Variants in N4BP2L2 observed in about 807,000 individuals in gnomAD.
N4BP2L2 encodes NEDD4-binding protein 2-like 2.
In N4BP2L2, 50 loss-of-function variants were observed where a neutral mutation model predicts 56.2. The ratio of observed to expected loss-of-function variants is 0.89; its 90% CI spans 0.71 to 1.13. The LOEUF (loss-of-function observed/expected upper bound fraction) is 1.13. Among genes scored for constraint, N4BP2L2 ranks in the 50% most tolerant of loss-of-function variants. The probability of loss-of-function intolerance (pLI) is 0.00; values close to 1 mark genes in which losing one functional copy is unlikely to be tolerated. For missense variants in N4BP2L2, 689 were observed against 693.8 expected (o/e 0.99, Z 0.08); for synonymous variants, 203 against 223.6 (o/e 0.91, Z 0.82).
At chr13:32,491,619 T>TAA (rs1417788328) in intron 6 of N4BP2L2, among the ~76,000 whole-genome samples, 4,630 of 138,398 alleles carry the variant, frequency 0.033, 271 homozygotes, top group African/African-American at 0.12. Flanking sequence ...TATATGTATA[T>TAA]TATATATATA....
intron 6 of N4BP2L2, among the ~76,000 whole-genome samples, chr13:32,476,117 T>C (rs2139033590): frequency 6.6e-6 from 1 of 152,322 alleles, no homozygotes; most frequent in Non-Finnish European, 1.5e-5. Context: ...AATGCACTGA[T>C]GAGCTTCTGA....
At chr13:32,500,133 C>G (rs1376682415) in intron 6 of N4BP2L2, among the ~76,000 whole-genome samples, 1 of 152,010 alleles carries the variant, frequency 6.6e-6, no homozygotes, top group Non-Finnish European at 1.5e-5. Context: ...AGCTTCAGCC[C>G]TGGAGATCTA....
intron 5 of N4BP2L2, among the ~76,000 whole-genome samples, chr13:32,519,639 G>C (rs768812209): frequency 6.6e-6 from 1 of 151,758 alleles, no homozygotes. Flanking sequence ...AACAAAATGA[G>C]ACTCTGTCTG....
At chr13:32,461,571 C>T (rs1044610832) in intron 6 of N4BP2L2, among the ~76,000 whole-genome samples, 5 of 152,288 alleles carry the variant, frequency 3.3e-5, no homozygotes, top group South Asian at 4.1e-4. Context: ...ATCAAAACCA[C>T]AATGAGATAT....
At chr13:32,439,036 C>CT (rs1287898545) in intron 7 of N4BP2L2, among the ~76,000 whole-genome samples, 1 of 152,220 alleles carries the variant, frequency 6.6e-6, no homozygotes, top group Non-Finnish European at 1.5e-5. Flanking sequence ...ATGGTTTTCT[C>CT]TTTATCTCTT....
chr13:32,435,672 T>C (rs1325114380), intron 9 of N4BP2L2, among the ~76,000 whole-genome samples: 2 of 152,198 alleles, frequency 1.3e-5, no homozygotes, highest in African/African-American at 2.4e-5. Flanking sequence ...CTCCCAAATC[T>C]TCAGTTCTTC....
intron 6 of N4BP2L2, among the ~76,000 whole-genome samples, chr13:32,481,761 T>A (rs1056226940): frequency 5.9e-5 from 9 of 152,204 alleles, no homozygotes; most frequent in African/African-American, 2.2e-4. Context: ...TTAGCTTTCC[T>A]TCTTGACTAT....
At chr13:32,449,640 C>T (rs900230955) in intron 6 of N4BP2L2, among the ~76,000 whole-genome samples, 7 of 152,008 alleles carry the variant, frequency 4.6e-5, no homozygotes, top group African/African-American at 7.3e-5. Flanking sequence ...ATGTTAGAGA[C>T]GAGGGCTTTA....
chr13:32,446,343 T>C, intron 6 of N4BP2L2: 1 of 1,363,686 alleles, frequency 7.3e-7, no homozygotes, highest in African/African-American at 1.5e-5. Flanking sequence ...TAACTCTCCT[T>C]CATGGCCAGT....
At chr13:32,440,903 T>G (rs950393601) in intron 7 of N4BP2L2, among the ~76,000 whole-genome samples, 6 of 146,054 alleles carry the variant, frequency 4.1e-5, no homozygotes, top group African/African-American at 7.7e-5. Context: ...AGGCTGGGAG[T>G]GCAGTGGTGT....
intron 6 of N4BP2L2, among the ~76,000 whole-genome samples, chr13:32,446,035 C>T (rs2077000341): frequency 6.6e-6 from 1 of 152,088 alleles, no homozygotes; most frequent in South Asian, 2.1e-4. Flanking sequence ...GCAAACAAAC[C>T]TGGAAGAAGA....
chr13:32,538,856 A>G (rs1723204068), upstream of N4BP2L2: 1 of 985,336 alleles, frequency 1.0e-6, no homozygotes, highest in African/African-American at 1.7e-5. Context: ...GTGGGAATTG[A>G]AGTCCGACGT....
At chr13:32,445,788 C>G (rs2076967842) in intron 6 of N4BP2L2, among the ~76,000 whole-genome samples, 2 of 152,208 alleles carry the variant, frequency 1.3e-5, no homozygotes, top group Admixed American at 6.5e-5. Flanking sequence ...GGTGTTTCAT[C>G]CAGCACACTG....
chr13:32,538,509 A>T, intron 1 of N4BP2L2, 109 bp downstream of exon 1: 1 of 651,584 alleles, frequency 1.5e-6, no homozygotes, highest in Non-Finnish European at 1.9e-6. Context: ...AAAAGTTCAC[A>T]CAGAGCTTAC....
intron 6 of N4BP2L2, among the ~76,000 whole-genome samples, chr13:32,449,626 A>C (rs562726419): frequency 6.6e-4 from 101 of 152,346 alleles, no homozygotes; most frequent in Non-Finnish European, 1.1e-3. Context: ...TTTCTGTCCC[A>C]ATCATGTTAG....
chr13:32,525,759 C>T (rs1455162514), intron 3 of N4BP2L2, among the ~76,000 whole-genome samples: 3 of 152,238 alleles, frequency 2.0e-5, no homozygotes, highest in South Asian at 2.1e-4. Context: ...ATATATTATA[C>T]TTTAGGGCAA....
chr13:32,484,756 A>C (rs765817682), intron 6 of N4BP2L2, among the ~76,000 whole-genome samples: 9 of 152,220 alleles, frequency 5.9e-5, no homozygotes, highest in Non-Finnish European at 8.8e-5. Context: ...AAGTGCTGGG[A>C]AAACAGGTGT....
intron 7 of N4BP2L2, among the ~76,000 whole-genome samples, chr13:32,441,738 T>TA (rs1421203612): frequency 2.2e-5 from 3 of 137,074 alleles, no homozygotes; most frequent in African/African-American, 8.2e-5. Flanking sequence ...TAAATAAATA[T>TA]AAAAAAAGAA....
chr13:32,456,623 C>T (rs1045054812), intron 6 of N4BP2L2, among the ~76,000 whole-genome samples: 3 of 151,926 alleles, frequency 2.0e-5, no homozygotes, highest in Non-Finnish European at 2.9e-5. Flanking sequence ...ATAAATAATA[C>T]AAGGAAATCA....
Sources: gnomAD v4.1 joint callset for allele counts (sites outside exome capture counted in the v4.1 genomes callset) on GRCh38, gnomAD v4.1.1 for gene constraint, MANE v1.5 for transcripts, NCBI Gene and HGNC (gene_info 2026-07-23, HGNC 2026-07-21) for gene names.